Variants in SUCO observed in about 807,000 individuals in gnomAD.
The protein encoded by SUCO is SUN domain containing ossification factor.
Under a neutral mutation model 148.1 loss-of-function variants are expected in SUCO, and 57 were observed. The observed-to-expected ratio is 0.38, with a 90% confidence interval of 0.31 to 0.48. SUCO has a LOEUF of 0.48. Among genes scored for constraint, SUCO ranks in the 20% least tolerant of loss-of-function variants. The pLI is 0.96. For synonymous variants in SUCO, 470 were observed against 502.7 expected, an observed-to-expected ratio of 0.93 and a Z score of 0.87; for missense variants, 1,331 against 1,468.2, an observed-to-expected ratio of 0.91 and a Z score of 1.53.
intron 22 of SUCO, among the ~76,000 whole-genome samples, chr1:172,604,966 G>A (rs960377559): frequency 1.3e-5 from 2 of 151,748 alleles, no homozygotes; most frequent in African/African-American, 2.4e-5. Context: ...TGTTGTTTGA[G>A]TAGTGCTGTT....
rs1362861463 is a variant in SUCO, at chr1:172,570,054, G to A, written c.864G>A (p.Ser288=). Residue 288 remains serine, a synonymous_variant, in exon 8 of 24, where the codon TCG becomes TCA. Coordinates refer to ENST00000263688, the MANE Select transcript of SUCO (RefSeq NM_014283.5). ...VMEVEKEKSQ[S]MHASSNGGSH... is the part of the protein sequence containing the mutation. The stretch of plus-strand genomic sequence containing the variant: ...ATAACGGTTTGTCTGCAGGTCAGTC[G>A]ATGCATGCATCTTCTAATGGAGGTT... 3.3e-6 allele frequency: 5 copies of A among 1,528,856 alleles called. No homozygotes were observed. The highest frequency in any genetic ancestry group is 1.4e-5 in the African/African-American group (1 of 71,972). 94.7% of individuals were successfully genotyped at this position (1,528,856 alleles called of 1,614,324 possible).
At chr1:172,608,627 G>A (rs1345479657) in intron 22 of SUCO, 120 bp from the exon 23 acceptor site, 34 of 761,382 alleles carry the variant, frequency 4.5e-5, no homozygotes, top group Non-Finnish European at 1.4e-5. Context: ...AAATTCATTG[G>A]TTCTATTACT....
At position 172,603,577 on chromosome 1, in the gene SUCO, T is replaced by C. The variant is rs78253275; in HGVS notation, c.3265+790T>C. 4.8e-3 allele frequency among the ~76,000 whole-genome samples: 726 copies of C among 152,172 alleles called. 3 individuals carry two copies. The highest frequency in any genetic ancestry group is 0.017 in the African/African-American group (698 of 41,574). On this transcript the variant is annotated intron_variant, in intron 22 of 23. Transcript: ENST00000263688. ...TGTTTACTTAAAGCTAGTAAATCTC[T>C]TCTTCCTCCTTGCTTTTTTCTTTTT...
intron 22 of SUCO, among the ~76,000 whole-genome samples, chr1:172,604,534 G>A (rs1003391317): frequency 7.9e-5 from 12 of 151,910 alleles, no homozygotes; most frequent in African/African-American, 2.9e-4. Flanking sequence ...GTGATAAAAA[G>A]CACATAAAAT....
At chr1:172,569,550 AGCTT>A in intron 7 of SUCO, 2 of 973,234 alleles carry the variant, frequency 2.1e-6, no homozygotes, top group Non-Finnish European at 2.4e-6. Context: ...CCTAAAGAAA[AGCTT>A]GCTTATGTTA....
intron 15 of SUCO, among the ~76,000 whole-genome samples, chr1:172,581,545 A>G (rs1384929398): frequency 6.6e-6 from 1 of 152,162 alleles, no homozygotes; most frequent in Non-Finnish European, 1.5e-5. Context: ...TGAATTAGCT[A>G]TAGCCTCCAA....
In SUCO at chr1:172,567,541, A is replaced by G. The variant is rs73034022; in HGVS notation, c.733-1478A>G. ...AATATAAATGACATTCTTAAGTAAC[A>G]TTTTATTCAACATTGTTTTGAGATT... On this transcript the variant is annotated intron_variant, in intron 6 of 23. Transcript: ENST00000263688. Among the ~76,000 whole-genome samples the G allele has an allele frequency of 3.6e-3, 546 of 152,202 alleles. 3 individuals carry two copies. The highest frequency in any genetic ancestry group is 0.012 in the African/African-American group (478 of 41,516).
intron 22 of SUCO, chr1:172,608,526 G>A (rs184428514): frequency 1.3e-5 from 7 of 535,748 alleles, no homozygotes; most frequent in South Asian, 4.5e-5. Context: ...ATTTGAAGAC[G>A]ACCAGTCAAG....
chr1:172,544,742 T>G (rs1026285059), intron 1 of SUCO, among the ~76,000 whole-genome samples: 3 of 152,174 alleles, frequency 2.0e-5, no homozygotes, highest in African/African-American at 7.2e-5. Context: ...AATATGAAGC[T>G]GAAGACTTAG....
chr1:172,554,208 T>G (rs765846319), intron 3 of SUCO, among the ~76,000 whole-genome samples: 11 of 152,232 alleles, frequency 7.2e-5, no homozygotes, highest in Admixed American at 3.3e-4. Flanking sequence ...GGAAGACATT[T>G]GTCAAGGGTT....
In SUCO at chr1:172,602,804, A is replaced by G; in HGVS notation, c.3265+17A>G. ...GCAAAGAAGGTAGATTTCTGTGGATATATAATATGTATATATAAACATGAA... is the reference window on the plus strand; with the variant it reads ...GCAAAGAAGGTAGATTTCTGTGGATGTATAATATGTATATATAAACATGAA... On this transcript the variant is annotated intron_variant, in intron 22 of 23. Transcript: ENST00000263688. 1 of 1,574,206 alleles carries G rather than the reference A, an allele frequency of 6.4e-7. No individual in the cohort carries two copies. The highest frequency in any genetic ancestry group is 8.7e-7 in the Non-Finnish European group (1 of 1,145,826).
At chr1:172,574,025 G>A (rs772614887) in intron 10 of SUCO, 27 bp downstream of exon 10, 3 of 1,297,542 alleles carry the variant, frequency 2.3e-6, no homozygotes, top group South Asian at 2.6e-5. Flanking sequence ...TTTCTATAGG[G>A]TCTATGTTGG....
At chr1:172,593,140 G>A (rs1378469189) in intron 19 of SUCO, among the ~76,000 whole-genome samples, 1 of 152,190 alleles carries the variant, frequency 6.6e-6, no homozygotes, top group African/African-American at 2.4e-5. Flanking sequence ...CTGAGACTTT[G>A]CTGAAGTTGC....
intron 5 of SUCO, 21 bp from the exon 6 acceptor site, chr1:172,557,623 A>G (rs764371218): frequency 9.6e-6 from 15 of 1,562,968 alleles, no homozygotes; most frequent in East Asian, 9.0e-5. Context: ...TTTATTTAAT[A>G]TATCTTTTGG....
In SUCO at chr1:172,611,168, A is replaced by T. The variant is rs906407452; in HGVS notation, c.*909A>T. The T allele has an allele frequency of 6.6e-6, 1 of 152,656 alleles. No individual in the cohort carries two copies. Among genetic ancestry groups the T allele is most frequent in the Admixed American group, 6.5e-5 (1 of 15,272 alleles). The allele number at this position is 152,656 out of a possible 1,614,324, so 9.5% of individuals were successfully genotyped here. A position where few individuals can be genotyped will look rare whatever the true frequency, so the allele number is the denominator to read the frequency against. On this transcript the variant is annotated 3_prime_UTR_variant, in exon 24 of 24. Transcript: ENST00000263688. ...TTAGTACAAGTCTCATGATATAATC[A>T]CTGCCTGCATACATATGCACAGATC...
In SUCO at chr1:172,557,860, TATA is replaced by T. The variant is rs972285071; in HGVS notation, c.732+72_732+74del. ...ATGCATTTTTGTTATTAGCTAAGCT[TATA>T]ATAATTTGCTAACTATATTTGTCAT... is the stretch of plus-strand genomic sequence containing the variant. On this transcript the variant is annotated intron_variant, in intron 6 of 23. Transcript: ENST00000263688. The T allele has an allele frequency of 7.2e-6, 9 of 1,246,988 alleles. No individual in the cohort carries two copies. The African/African-American group carries it at 1.4e-4, about 19-fold the overall frequency. The allele number at this position is 1,246,988 out of a possible 1,614,324, so 77.2% of individuals were successfully genotyped here.
chr1:172,570,005 CA>C, intron 7 of SUCO, 41 bp from the exon 8 acceptor site: 1 of 1,320,170 alleles, frequency 7.6e-7, no homozygotes, highest in Non-Finnish European at 9.7e-7. Context: ...TCATAATCAT[CA>C]AATATATATA....
At chr1:172,605,844 A>G (rs1033943402) in intron 22 of SUCO, among the ~76,000 whole-genome samples, 7 of 151,760 alleles carry the variant, frequency 4.6e-5, no homozygotes, top group African/African-American at 1.4e-4. Flanking sequence ...ATTTTCAGCA[A>G]TGTTAAATAA....
Position 172,589,322 on chromosome 1 carries a change from A to G in SUCO, c.2221A>G (p.Ile741Val), listed in dbSNP as rs1357739630. Residue 741 changes from isoleucine (I) to valine (V), a missense_variant, in exon 18 of 24, where the codon ATC becomes GTC. Ile to Val is a conservative substitution (Grantham distance 29). Transcript: ENST00000263688. ...TCTTCTTTTAGATATTACCCCAGAA[A>G]TCAATCCCTTGCCTAAAATAGAAGT... ...QSLLLDITPEINPLPKIEVSE... is the reference protein window; with the variant it reads ...QSLLLDITPEVNPLPKIEVSE... 1.9e-6 allele frequency: 3 copies of G among 1,613,406 alleles called. No individual in the cohort carries two copies. The highest frequency in any genetic ancestry group is 2.7e-5 in the African/African-American group (2 of 74,890).
Sources: gnomAD v4.1 joint callset for allele counts (sites outside exome capture counted in the v4.1 genomes callset) on GRCh38, gnomAD v4.1.1 for gene constraint, MANE v1.5 for transcripts, NCBI Gene and HGNC (gene_info 2026-07-23, HGNC 2026-07-21) for gene names.